POLE: variants seen among roughly 807,000 people sequenced by gnomAD.
POLE encodes the protein DNA polymerase epsilon catalytic subunit A.
POLE carries 188 observed loss-of-function variants against 279.2 expected under a neutral mutation model. The ratio of observed to expected loss-of-function variants is 0.67; its 90% CI spans 0.60 to 0.76. The LOEUF (loss-of-function observed/expected upper bound fraction) is 0.76. Among genes scored for constraint, POLE ranks in the 30% least tolerant of loss-of-function variants. The pLI is 0.00. For synonymous variants in POLE, 1,214 were observed against 1,172.5 expected, an observed-to-expected ratio of 1.04 and a Z score of -0.72; for missense variants, 2,703 against 3,016.7, an observed-to-expected ratio of 0.90 and a Z score of 2.44.
intron 45 of POLE, among the ~76,000 whole-genome samples, chr12:132,631,367 T>C (rs988669076): frequency 6.6e-6 from 1 of 152,172 alleles, no homozygotes; most frequent in African/African-American, 2.4e-5. Context: ...TCCATTCACC[T>C]AGGAAAAATC....
chr12:132,636,107 G>C (rs1800328636), intron 41 of POLE, 83 bp from the exon 42 acceptor site: 2 of 1,347,476 alleles, frequency 1.5e-6, no homozygotes, highest in East Asian at 2.4e-5. Context: ...GTATCTATCT[G>C]TACCCTCCAC....
intron 32 of POLE, among the ~76,000 whole-genome samples, chr12:132,647,040 T>G (rs2042300869): frequency 1.3e-5 from 2 of 152,086 alleles, no homozygotes; most frequent in Admixed American, 6.6e-5. Context: ...AAAAAATCTG[T>G]TTCATTATAC....
Position 132,641,627 on chromosome 12 carries a change from C to G in POLE, c.5378+20G>C, listed in dbSNP as rs1199272042. ...TAAGACCCTTCTATTAGTAACACTC[C>G]TTCCCAGAGAGGGTGGCACCTGAAG... On this transcript the variant is annotated intron_variant, in intron 39 of 48. Transcript: ENST00000320574. The G allele has an allele frequency of 6.2e-7, 1 of 1,604,864 alleles. No homozygotes were observed.
In POLE at chr12:132,641,746, A is replaced by G. The variant is rs1198604103; in HGVS notation, c.5279T>C (p.Val1760Ala). ...GADSMGISFD[V>A]IQQASLEDMI... Reference sequence around the variant, plus strand: ...GTCCTCCAGGGAGGCCTGCTGGATCACGTCGAAGCTGATCCCCATGCTGTC... The same window carrying G: ...GTCCTCCAGGGAGGCCTGCTGGATCGCGTCGAAGCTGATCCCCATGCTGTC... The change falls in exon 39 of 49, where the codon GTG (valine) becomes GCG (alanine). Residue 1760 changes from valine (V) to alanine (A), a missense_variant. Around this residue, in one of 5 missense-constraint regions of POLE, gnomAD observed 1,551 missense variants for 1,686.1 expected, o/e 0.92. Transcript: ENST00000320574. The G allele has an allele frequency of 1.2e-6, 2 of 1,612,244 alleles. No homozygotes were observed. The highest frequency in any genetic ancestry group is 2.2e-5 in the South Asian group (2 of 91,082).
At position 132,680,320 on chromosome 12, in the gene POLE, T is replaced by G. The variant is rs2043140384; in HGVS notation, c.286-98A>C. The G allele has an allele frequency of 4.5e-6, 5 of 1,099,866 alleles. No homozygotes were observed. In the South Asian group the frequency reaches 6.3e-5, roughly 14 times the overall value. 68.1% of individuals were successfully genotyped at this position (1,099,866 alleles called of 1,614,324 possible). A position where few individuals can be genotyped will look rare whatever the true frequency, so the allele number is the denominator to read the frequency against. On this transcript the variant is annotated intron_variant, in intron 3 of 48. Transcript: ENST00000320574. ...TTGCTCCTATATCCCATGAACAGCCTAGGGCCAGGGTAGCCTTGACCTTGG... is the reference window on the plus strand; with the variant it reads ...TTGCTCCTATATCCCATGAACAGCCGAGGGCCAGGGTAGCCTTGACCTTGG...
Position 132,652,544 on chromosome 12 carries a change from G to C in POLE, c.3583-2655C>G, listed in dbSNP as rs116103592. 8.9e-3 allele frequency among the ~76,000 whole-genome samples: 1,352 copies of C among 152,068 alleles called. 14 individuals are homozygous for C. The highest frequency in any genetic ancestry group is 0.031 in the African/African-American group (1,291 of 41,504). On this transcript the variant is annotated intron_variant, in intron 29 of 48. Transcript: ENST00000320574. The stretch of plus-strand genomic sequence containing the variant: ...TCCCTATGTTGCCCAGGCTCGTCTG[G>C]AACTTCTGGGCTCAACTGATCCTCC...
At position 132,666,677 on chromosome 12, in the gene POLE, C is replaced by G. The variant is rs373455291; in HGVS notation, c.2319+826G>C. ...ATGACATCCCTAGAGTCGTGGAATT[C>G]AGAGAGAGAAAGTGGAATGGGGTCA... On this transcript the variant is annotated intron_variant, in intron 20 of 48. Transcript: ENST00000320574. Among the ~76,000 whole-genome samples, 3 of 141,446 alleles carry G rather than the reference C, an allele frequency of 2.1e-5. No individual in the cohort carries two copies. The East Asian group carries it at 6.6e-4, about 31-fold the overall frequency. 92.8% of individuals were successfully genotyped at this position (141,446 alleles called of 152,430 possible).
At chr12:132,658,243 T>TG (rs2042592236) in intron 26 of POLE, 1 of 378,560 alleles carries the variant, frequency 2.6e-6, no homozygotes, top group Non-Finnish European at 5.0e-6. Flanking sequence ...CATAAACACA[T>TG]GCGTGTGCGT....
Position 132,668,285 on chromosome 12 carries a change from C to G in POLE, c.2173+71G>C, listed in dbSNP as rs2042840050. The G allele has an allele frequency of 6.7e-7, 1 of 1,494,814 alleles. No homozygotes were observed. The highest frequency in any genetic ancestry group is 1.4e-5 in the South Asian group (1 of 72,518). The allele number at this position is 1,494,814 out of a possible 1,614,324, so 92.6% of individuals were successfully genotyped here. On this transcript the variant is annotated intron_variant, in intron 19 of 48. Coordinates refer to ENST00000320574, the MANE Select transcript of POLE (RefSeq NM_006231.4). The surrounding 1 kb of genome is among the most constrained non-coding windows in gnomAD (Gnocchi z 4.0). ...GGGCCCCAGCTGGGATGGACCAACG[C>G]AGCCCAGTAAGAACAGAAAGTGGGA...
intron 45 of POLE, among the ~76,000 whole-genome samples, chr12:132,628,902 AT>A (rs1194352885): frequency 6.6e-6 from 1 of 152,152 alleles, no homozygotes; most frequent in African/African-American, 2.4e-5. Flanking sequence ...ACTCCTGTTA[AT>A]GTTGATATTT....
chr12:132,640,947 T>A (rs1408149836), intron 39 of POLE: 1 of 456,268 alleles, frequency 2.2e-6, no homozygotes, highest in Non-Finnish European at 4.4e-6. Context: ...TCTCCCCTTT[T>A]GTATGGAGTC....
chr12:132,630,907 GAA>G (rs944352129), intron 45 of POLE, among the ~76,000 whole-genome samples: 5 of 152,224 alleles, frequency 3.3e-5, no homozygotes, highest in African/African-American at 1.2e-4. Flanking sequence ...AGCCACTTCA[GAA>G]AAGAGTTTGG....
At position 132,636,151 on chromosome 12, in the gene POLE, C is replaced by T. The variant is rs4883624; in HGVS notation, c.5679-127G>A. On this transcript the variant is annotated intron_variant, in intron 41 of 48. Coordinates refer to ENST00000320574, the MANE Select transcript of POLE (RefSeq NM_006231.4). ...CACTGAATTTGAAAGTTCATTCAGA[C>T]CACATCATCCCTCAGGCTTCCTGGG... 492,117 of 995,660 alleles carry T rather than the reference C, an allele frequency of 0.49. 124,700 individuals carry two copies. The highest frequency in any genetic ancestry group is 0.73 in the African/African-American group (44,794 of 61,766). The allele number at this position is 995,660 out of a possible 1,614,324, so 61.7% of individuals were successfully genotyped here.
At position 132,636,009 on chromosome 12, in the gene POLE, C is replaced by G. The variant is rs1555221506; in HGVS notation, c.5694G>C (p.Glu1898Asp). Residue 1898 changes from glutamate to aspartate, a missense_variant, in exon 42 of 49, where the codon GAG becomes GAC. Physicochemically the swap from Glu to Asp is conservative, Grantham distance 45 (BLOSUM62 2). Coordinates refer to ENST00000320574, the MANE Select transcript of POLE (RefSeq NM_006231.4). ...EYITSSIHSK[E>D]TFHSLTISFS... ...AAGAAATTGTCAGAGAATGGAAGGT[C>G]TCCTTTGAATGGATGCTGCAGAGGA... 1 of 1,613,756 alleles carries G rather than the reference C, an allele frequency of 6.2e-7. No homozygotes were observed. The highest frequency in any genetic ancestry group is 8.5e-7 in the Non-Finnish European group (1 of 1,179,858).
intron 38 of POLE, among the ~76,000 whole-genome samples, 158 bp from the exon 39 acceptor site, chr12:132,642,009 A>G (rs968252731): frequency 6.6e-6 from 1 of 152,322 alleles, no homozygotes; most frequent in African/African-American, 2.4e-5. Context: ...CCGAGGGCAC[A>G]GGAGGCCCCA....
At position 132,629,817 on chromosome 12, in the gene POLE, G is replaced by T. The variant is rs548181100; in HGVS notation, c.6330+2498C>A. 2.0e-5 allele frequency among the ~76,000 whole-genome samples: 3 copies of T among 152,308 alleles called. No individual in the cohort carries two copies. The South Asian group carries it at 6.2e-4, about 32-fold the overall frequency. ...TGCAGTTGACTTGGCTAACTGGTGT[G>T]AGAGGCCTAGCTTTCAGCCTGTCTC... On this transcript the variant is annotated intron_variant, in intron 45 of 48. Transcript: ENST00000320574.
intron 1 of POLE, among the ~76,000 whole-genome samples, chr12:132,686,505 C>T (rs146792640): frequency 6.6e-6 from 1 of 151,914 alleles, no homozygotes; most frequent in South Asian, 2.1e-4. Context: ...AAGGCCGAGG[C>T]GGGCGGATCA....
chr12:132,635,668 CCT>C (rs1162950709), intron 42 of POLE, among the ~76,000 whole-genome samples: 1 of 152,260 alleles, frequency 6.6e-6, no homozygotes, highest in African/African-American at 2.4e-5. Context: ...CCTCCACCTC[CCT>C]GTTGCCCACG....
chr12:132,663,907 G>T, intron 23 of POLE, 97 bp downstream of exon 23: 1 of 1,324,216 alleles, frequency 7.6e-7, no homozygotes, highest in Non-Finnish European at 1.1e-6. Context: ...CTGGGTGCCA[G>T]GAAGGCATGC....
Sources: allele counts gnomAD v4.1 joint callset (sites outside exome capture counted in the v4.1 genomes callset), GRCh38; gene constraint gnomAD v4.1.1; regional missense constraint gnomAD v4.1.1; non-coding constraint Gnocchi (gnomAD v3.1); transcripts MANE v1.5; gene names NCBI Gene and HGNC (gene_info 2026-07-23, HGNC 2026-07-21).